Variants in FZD3 observed in about 807,000 individuals in gnomAD.
The protein encoded by FZD3 is frizzled-3.
A neutral mutation model predicts 60.7 loss-of-function variants in FZD3; 30 were observed. The ratio of observed to expected loss-of-function variants is 0.49; its 90% CI spans 0.37 to 0.67. The LOEUF is 0.67. FZD3 is among the 30% of genes least tolerant of loss of function. The pLI, the probability that FZD3 is intolerant of heterozygous loss-of-function variation, is 0.00. For synonymous variants in FZD3, 246 were observed against 275.2 expected (o/e 0.89, Z 1.05); for missense variants, 605 against 838.7 (o/e 0.72, Z 3.44).
chr8:28,539,853 T>TG (rs1238143280), intron 5 of FZD3, among the ~76,000 whole-genome samples: 3 of 31,232 alleles, frequency 9.6e-5, no homozygotes, highest in African/African-American at 3.6e-4. Flanking sequence ...ATCACAATAA[T>TG]TAAAAAAAAA....
At chr8:28,494,995 G>A (rs1406046614) in intron 1 of FZD3, among the ~76,000 whole-genome samples, 2 of 152,234 alleles carry the variant, frequency 1.3e-5, no homozygotes, top group African/African-American at 4.8e-5. Flanking sequence ...CTCCTCCGCG[G>A]GCTGTGGGTT....
chr8:28,553,211 G>T (rs936681139), intron 6 of FZD3, among the ~76,000 whole-genome samples: 1 of 152,184 alleles, frequency 6.6e-6, no homozygotes, highest in Admixed American at 6.5e-5. Context: ...GAAAGAAGGG[G>T]ATGAGTTCAC....
Position 28,558,890 on chromosome 8 carries a change from A to G in FZD3, c.1787+2919A>G, listed in dbSNP as rs73230994. On this transcript the variant is annotated intron_variant, in intron 7 of 7. Coordinates refer to ENST00000240093, the MANE Select transcript of FZD3 (RefSeq NM_017412.4). ...ATAGGAAAGATAAGATGTATATGGA[A>G]GTAAGATGTAATTTATGCATTCTAG... 8.7e-4 allele frequency among the ~76,000 whole-genome samples: 132 copies of G among 152,238 alleles called. No homozygotes were observed. The Middle Eastern group carries it at 0.017, about 20-fold the overall frequency.
intron 5 of FZD3, among the ~76,000 whole-genome samples, chr8:28,533,672 G>A (rs541334280): frequency 6.6e-6 from 1 of 152,060 alleles, no homozygotes; most frequent in African/African-American, 2.4e-5. Flanking sequence ...GTTCTTCACA[G>A]AAAGGTCCCC....
chr8:28,539,332 C>T (rs769607272), intron 5 of FZD3, among the ~76,000 whole-genome samples: 3 of 152,294 alleles, frequency 2.0e-5, no homozygotes, highest in Non-Finnish European at 2.9e-5. Context: ...CATCTTTTCT[C>T]CACTGATCTA....
intron 7 of FZD3, among the ~76,000 whole-genome samples, chr8:28,561,532 TG>T (rs1300762955): frequency 6.6e-6 from 1 of 151,874 alleles, no homozygotes; most frequent in Non-Finnish European, 1.5e-5. Flanking sequence ...GAAGGAATGG[TG>T]GATTAACGCT....
intron 6 of FZD3, among the ~76,000 whole-genome samples, chr8:28,552,270 T>A (rs2130458924): frequency 6.6e-6 from 1 of 152,324 alleles, no homozygotes; most frequent in Admixed American, 6.5e-5. Flanking sequence ...ATACTCTTAT[T>A]CCATTCTAAT....
At position 28,525,228 on chromosome 8, in the gene FZD3, G is replaced by A. The variant is rs144328104; in HGVS notation, c.387-1919G>A. Among the ~76,000 whole-genome samples the A allele has an allele frequency of 5.6e-3, 848 of 152,328 alleles. 6 individuals are homozygous for A. Among genetic ancestry groups the A allele is most frequent in the African/African-American group, 0.019 (788 of 41,588 alleles). ...CTATTCTAGATGTCGAAGATGAGCA[G>A]TGAGCAAAACAGAGATCCTGTTCTT... On this transcript the variant is annotated intron_variant, in intron 4 of 7. Coordinates refer to ENST00000240093, the MANE Select transcript of FZD3 (RefSeq NM_017412.4).
chr8:28,529,154 A>G (rs541152338), intron 5 of FZD3, among the ~76,000 whole-genome samples: 2 of 152,156 alleles, frequency 1.3e-5, no homozygotes, highest in South Asian at 4.1e-4. Flanking sequence ...CCTGCCCTCA[A>G]GTGATCTTCC....
intron 5 of FZD3, among the ~76,000 whole-genome samples, chr8:28,539,054 A>G (rs1805093665): frequency 6.6e-6 from 1 of 152,144 alleles, no homozygotes; most frequent in South Asian, 2.1e-4. Context: ...CCTAGTAAAA[A>G]TAAAGATACC....
chr8:28,537,282 T>C (rs1269133852), intron 5 of FZD3, among the ~76,000 whole-genome samples: 2 of 152,174 alleles, frequency 1.3e-5, no homozygotes, highest in East Asian at 3.8e-4. Context: ...TGGATAAATA[T>C]GATAAAATAT....
chr8:28,499,047 G>A (rs1803921772), intron 1 of FZD3, among the ~76,000 whole-genome samples: 1 of 152,058 alleles, frequency 6.6e-6, no homozygotes, highest in South Asian at 2.1e-4. Flanking sequence ...TTAATTAGTA[G>A]TCAATAAACC....
At chr8:28,542,825 A>T (rs1805201983) in intron 5 of FZD3, among the ~76,000 whole-genome samples, 1 of 152,108 alleles carries the variant, frequency 6.6e-6, no homozygotes, top group African/African-American at 2.4e-5. Context: ...ACAAGGGCAG[A>T]GAATTTTCTG....
intron 7 of FZD3, among the ~76,000 whole-genome samples, chr8:28,562,281 GTCA>G (rs1439712124): frequency 6.6e-6 from 1 of 151,952 alleles, no homozygotes; most frequent in Non-Finnish European, 1.5e-5. Context: ...GGCACATACT[GTCA>G]TCATTGCTTG....
chr8:28,517,719 T>C (rs1474732029), intron 3 of FZD3, among the ~76,000 whole-genome samples: 6 of 152,176 alleles, frequency 3.9e-5, no homozygotes, highest in Admixed American at 2.0e-4. Context: ...TTAATTTCAG[T>C]AATTATATAT....
At chr8:28,528,997 T>C (rs1804791606) in intron 5 of FZD3, among the ~76,000 whole-genome samples, 2 of 152,100 alleles carry the variant, frequency 1.3e-5, no homozygotes, top group Non-Finnish European at 2.9e-5. Flanking sequence ...TCACTGCAGC[T>C]TCAAACTCCA....
intron 7 of FZD3, among the ~76,000 whole-genome samples, chr8:28,557,489 T>C (rs930299319): frequency 6.8e-6 from 1 of 146,324 alleles, no homozygotes; most frequent in African/African-American, 2.5e-5. Flanking sequence ...TTTTTAATCT[T>C]CTGTCTGTTT....
chr8:28,506,639 G>A (rs1014601244), intron 3 of FZD3, among the ~76,000 whole-genome samples: 13 of 151,940 alleles, frequency 8.6e-5, no homozygotes, highest in Admixed American at 1.3e-4. Context: ...GTTTGCCTCC[G>A]TTTCCTGTTT....
intron 4 of FZD3, among the ~76,000 whole-genome samples, chr8:28,524,501 T>G (rs915332534): frequency 1.3e-5 from 2 of 152,244 alleles, no homozygotes; most frequent in Admixed American, 6.5e-5. Context: ...CTCACCTTTA[T>G]TTCCTTCAAC....
Sources: allele counts gnomAD v4.1 joint callset (sites outside exome capture counted in the v4.1 genomes callset), GRCh38; gene constraint gnomAD v4.1.1; transcripts MANE v1.5; gene names NCBI Gene and HGNC (gene_info 2026-07-23, HGNC 2026-07-21).